PGM3: variants seen among roughly 807,000 people sequenced by gnomAD.
The protein encoded by PGM3 is phosphoglucomutase 3.
PGM3 carries 40 observed loss-of-function variants against 66.2 expected under a neutral mutation model. That is an observed-to-expected ratio of 0.60 (90% CI 0.47 to 0.79). The LOEUF (loss-of-function observed/expected upper bound fraction) is 0.79, where lower values mean the gene tolerates loss of function less well. PGM3 is among the 30% of genes least tolerant of loss of function. PGM3 has a pLI of 0.00. For synonymous variants in PGM3, 191 were observed against 224.2 expected (o/e 0.85, Z 1.32); for missense variants, 537 against 643.4 (o/e 0.83, Z 1.79).
chr6:83,170,245 T>C (rs1786810050), intron 12 of PGM3, 60 bp downstream of exon 12: 1 of 1,478,674 alleles, frequency 6.8e-7, no homozygotes, highest in South Asian at 1.2e-5. Context: ...ACCATTAAAA[T>C]AGTTTGCCTG....
rs957367439 is a variant in PGM3 at position 83,167,631 on chromosome 6, G to A, written c.*1603C>T. On this transcript the variant is annotated 3_prime_UTR_variant, in exon 13 of 13. Coordinates refer to ENST00000513973, the MANE Select transcript of PGM3 (RefSeq NM_015599.3). ...ATTTCTGTTAACTAAGCTTATCTGC[G>A]CATTCTAGTTGGGAACTATTACTAC... 5.1e-5 allele frequency: 63 copies of A among 1,231,070 alleles called. No individual in the cohort carries two copies. The highest frequency in any genetic ancestry group is 6.0e-5 in the Non-Finnish European group (59 of 986,568). 76.3% of individuals were successfully genotyped at this position (1,231,070 alleles called of 1,614,324 possible).
the PGM3 span, among the ~76,000 whole-genome samples, chr6:83,150,794 A>AT: frequency 1.3e-5 from 2 of 152,194 alleles, no homozygotes; most frequent in African/African-American, 2.4e-5. Flanking sequence ...ACAATTTAAG[A>AT]TTTTTTAAAC....
chr6:83,191,085 C>T, intron 1 of PGM3, 71 bp from the exon 2 acceptor site: 2 of 1,490,210 alleles, frequency 1.3e-6, no homozygotes. Flanking sequence ...TCAAAAACTG[C>T]CACCCCAAAC....
At chr6:83,161,036 G>A (rs1389594840), downstream of PGM3, 1 of 151,898 alleles carries the variant, frequency 6.6e-6, no homozygotes, top group Non-Finnish European at 1.5e-5. Context: ...TTACACAGAT[G>A]TTACTCCTAA....
chr6:83,158,452 T>A (rs1486670209), downstream of PGM3: 1 of 825,918 alleles, frequency 1.2e-6, no homozygotes, highest in African/African-American at 1.8e-5. Flanking sequence ...ATTTAAAAGA[T>A]TCTGAAAATG....
chr6:83,153,966 G>A, the PGM3 span: 3 of 1,613,918 alleles, frequency 1.9e-6, no homozygotes, highest in Non-Finnish European at 2.5e-6. Flanking sequence ...AGTACACACG[G>A]AGAGCTTGGA....
Position 83,171,927 on chromosome 6 carries a change from T to C in PGM3, c.1365+10A>G, listed in dbSNP as rs1481299790. 1.2e-6 allele frequency: 2 copies of C among 1,606,494 alleles called. No individual in the cohort carries two copies. Among genetic ancestry groups the C allele is most frequent in the Non-Finnish European group, 1.7e-6 (2 of 1,175,356 alleles). ...TATTCAAAAAAGTTACTTTAAAGTT[T>C]CTCTCACACCTGAACTTTAAGTTGT... On this transcript the variant is annotated intron_variant, in intron 11 of 12. Coordinates refer to ENST00000513973, the MANE Select transcript of PGM3 (RefSeq NM_015599.3).
chr6:83,173,898 G>A (rs543482842), intron 10 of PGM3, among the ~76,000 whole-genome samples: 32 of 152,054 alleles, frequency 2.1e-4, no homozygotes, highest in African/African-American at 7.0e-4. Flanking sequence ...CACCATGCCC[G>A]GCTAATTTTT....
At chr6:83,183,007 C>A in intron 4 of PGM3, 29 bp from the exon 5 acceptor site, 2 of 1,599,286 alleles carry the variant, frequency 1.3e-6, no homozygotes, top group Non-Finnish European at 1.7e-6. Flanking sequence ...AAGCAATTCA[C>A]CGCATTTCTT....
At chr6:83,162,377 C>CAGTT (rs1172277830), downstream of PGM3, among the ~76,000 whole-genome samples, 1 of 151,976 alleles carries the variant, frequency 6.6e-6, no homozygotes, top group Non-Finnish European at 1.5e-5. Context: ...AACATTTGGC[C>CAGTT]AGTTATATGT....
At position 83,187,001 on chromosome 6, in the gene PGM3, T is replaced by G. The variant is rs766825607; in HGVS notation, c.457+7A>C. On this transcript the variant is annotated splice_region_variant and intron_variant, in intron 4 of 12. Transcript: ENST00000513973. Reference sequence around the variant, plus strand: ...AGTTTAATTTCCAACTCAGGATAACTACATACCATGGAATTGACCTCCTAG... The same window carrying G: ...AGTTTAATTTCCAACTCAGGATAACGACATACCATGGAATTGACCTCCTAG... The G allele has an allele frequency of 2.7e-6, 4 of 1,495,876 alleles. No homozygotes were observed. Among genetic ancestry groups the G allele is most frequent in the Non-Finnish European group, 3.7e-6 (4 of 1,078,110 alleles). The allele number at this position is 1,495,876 out of a possible 1,614,324, so 92.7% of individuals were successfully genotyped here.
chr6:83,171,743 T>C (rs966295746), intron 11 of PGM3, among the ~76,000 whole-genome samples, 194 bp downstream of exon 11: 7 of 152,186 alleles, frequency 4.6e-5, no homozygotes, highest in Non-Finnish European at 8.8e-5. Flanking sequence ...CGCTTTGGCC[T>C]CCCAAAGTGC....
At chr6:83,158,579 T>A (rs776298607), downstream of PGM3, 5 of 1,606,064 alleles carry the variant, frequency 3.1e-6, no homozygotes, top group African/African-American at 6.7e-5. Flanking sequence ...ACAAGTATTT[T>A]TACTGATGGA....
At chr6:83,157,454 A>C, downstream of PGM3, 1 of 895,410 alleles carries the variant, frequency 1.1e-6, no homozygotes, top group African/African-American at 1.7e-5. Flanking sequence ...TGCTTTTTAC[A>C]GTTGAAAATA....
chr6:83,160,897 T>C (rs1235540392), downstream of PGM3, among the ~76,000 whole-genome samples: 1 of 152,156 alleles, frequency 6.6e-6, no homozygotes, highest in Non-Finnish European at 1.5e-5. Flanking sequence ...TTACTTTTCA[T>C]TAAACTTAAT....
downstream of PGM3, chr6:83,162,645 A>G: frequency 1.2e-6 from 1 of 830,728 alleles, no homozygotes; most frequent in Non-Finnish European, 1.8e-6. Flanking sequence ...AAACATACCC[A>G]AAGTGACAAG....
At position 83,167,664 on chromosome 6, in the gene PGM3, G is replaced by C; in HGVS notation, c.*1570C>G. The stretch of plus-strand genomic sequence containing the variant: ...GTTGGGAACTATTACTACAATGTTA[G>C]ACTGCTCCATGTAAAACTAATAAAT... On this transcript the variant is annotated 3_prime_UTR_variant, in exon 13 of 13. Coordinates refer to ENST00000513973, the MANE Select transcript of PGM3 (RefSeq NM_015599.3). 2 of 1,354,340 alleles carry C rather than the reference G, an allele frequency of 1.5e-6. No individual in the cohort carries two copies. The highest frequency in any genetic ancestry group is 9.5e-7 in the Non-Finnish European group (1 of 1,058,170). The allele number at this position is 1,354,340 out of a possible 1,614,324, so 83.9% of individuals were successfully genotyped here.
chr6:83,163,936 C>T (rs1784821016), downstream of PGM3, among the ~76,000 whole-genome samples: 1 of 151,794 alleles, frequency 6.6e-6, no homozygotes, highest in South Asian at 2.1e-4. Context: ...ATGCATCATG[C>T]TAATTTATTA....
downstream of PGM3, among the ~76,000 whole-genome samples, chr6:83,162,331 C>T (rs899740181): frequency 3.3e-5 from 5 of 152,060 alleles, no homozygotes; most frequent in Admixed American, 6.6e-5. Context: ...TTCTTAAATT[C>T]GTTCAATTTT....
Sources: gnomAD v4.1 joint callset for allele counts (sites outside exome capture counted in the v4.1 genomes callset) on GRCh38, gnomAD v4.1.1 for gene constraint, MANE v1.5 for transcripts, NCBI Gene and HGNC (gene_info 2026-07-23, HGNC 2026-07-21) for gene names.